Variants in HOOK3 observed in about 807,000 individuals in gnomAD.
The protein encoded by HOOK3 is protein Hook homolog 3.
A neutral mutation model predicts 116.3 loss-of-function variants in HOOK3; 24 were observed. The ratio of observed to expected loss-of-function variants is 0.21; its 90% confidence interval spans 0.15 to 0.29. HOOK3 has a LOEUF of 0.29. HOOK3 is among the 10% of genes least tolerant of loss of function. HOOK3 has a pLI of 1.00. For synonymous variants in HOOK3, 275 were observed against 283.0 expected, an observed-to-expected ratio of 0.97 and a Z score of 0.28; for missense variants, 632 against 830.2, an observed-to-expected ratio of 0.76 and a Z score of 2.93.
chr8:42,944,946 C>T (rs1211386296), intron 5 of HOOK3, among the ~76,000 whole-genome samples: 1 of 151,914 alleles, frequency 6.6e-6, no homozygotes, highest in Non-Finnish European at 1.5e-5. Context: ...TCTAAAATAC[C>T]CCATTTTAAG....
chr8:42,897,077 G>C lies in HOOK3; in HGVS notation c.-55G>C, dbSNP rs1016160680. On this transcript the variant is annotated 5_prime_UTR_variant, in exon 1 of 22. Coordinates refer to ENST00000307602, the MANE Select transcript of HOOK3 (RefSeq NM_032410.4). ...GCGCGGGCCCCCGGATCCCCCGACA[G>C]AGCGGCGGCGGTGTCTGGCCAGGCG... The C allele has an allele frequency of 2.3e-5, 28 of 1,219,902 alleles. No homozygotes were observed. The highest frequency in any genetic ancestry group is 2.8e-5 in the Non-Finnish European group (27 of 970,834). The allele number at this position is 1,219,902 out of a possible 1,614,324, so 75.6% of individuals were successfully genotyped here.
At chr8:42,950,917 C>T (rs1808326795) in intron 6 of HOOK3, among the ~76,000 whole-genome samples, 1 of 152,144 alleles carries the variant, frequency 6.6e-6, no homozygotes, top group Non-Finnish European at 1.5e-5. Flanking sequence ...GATCTCCTGA[C>T]CTCATGATCT....
chr8:42,956,850 G>C lies in HOOK3; in HGVS notation c.469-244G>C, dbSNP rs886523025. Among the ~76,000 whole-genome samples the C allele has an allele frequency of 1.6e-4, 24 of 152,306 alleles. No individual in the cohort carries two copies. The South Asian group carries it at 2.7e-3, about 17-fold the overall frequency. ...GCCCACCTCGGCCTCCCAAAGTGCA[G>C]GGATTACAGGCGTGAGCCACCGCGC... On this transcript the variant is annotated intron_variant, in intron 6 of 21. Coordinates refer to ENST00000307602, the MANE Select transcript of HOOK3 (RefSeq NM_032410.4).
chr8:42,897,654 G>A (rs1455443660), intron 1 of HOOK3, among the ~76,000 whole-genome samples: 1 of 152,362 alleles, frequency 6.6e-6, no homozygotes, highest in African/African-American at 2.4e-5. Flanking sequence ...CTGGCGGTGG[G>A]AGTGCGCGAG....
intron 1 of HOOK3, 24 bp from the exon 2 acceptor site, chr8:42,906,145 TCCCC>T: frequency 1.9e-6 from 1 of 536,642 alleles, no homozygotes; most frequent in Non-Finnish European, 3.2e-6. Context: ...ACAGAATCTC[TCCCC>T]CCCCCCTCTT....
chr8:42,938,460 A>G (rs925092845), intron 4 of HOOK3, among the ~76,000 whole-genome samples: 1 of 152,036 alleles, frequency 6.6e-6, no homozygotes, highest in Admixed American at 6.6e-5. Context: ...TATTTTGCCT[A>G]TTAGTTGATG....
At chr8:42,930,008 A>C in intron 3 of HOOK3, 114 bp from the exon 4 acceptor site, 1 of 861,842 alleles carries the variant, frequency 1.2e-6, no homozygotes. Context: ...TTTATTTGTT[A>C]ATATTTACTT....
intron 21 of HOOK3, among the ~76,000 whole-genome samples, chr8:43,014,301 A>T (rs1029440162): frequency 2.0e-5 from 3 of 151,606 alleles, no homozygotes; most frequent in Admixed American, 6.6e-5. Flanking sequence ...AAAAAAAAAA[A>T]AAAAAAGTTG....
At chr8:42,965,277 CA>C (rs1808611950) in intron 9 of HOOK3, among the ~76,000 whole-genome samples, 1 of 152,042 alleles carries the variant, frequency 6.6e-6, no homozygotes, top group South Asian at 2.1e-4. Context: ...AAGTTACAGG[CA>C]GGGATTTTTA....
Position 43,021,738 on chromosome 8 carries a change from G to A in HOOK3, c.*3240G>A, listed in dbSNP as rs1215639896. 2.5e-5 allele frequency: 4 copies of A among 156,960 alleles called. No homozygotes were observed. The highest frequency in any genetic ancestry group is 2.1e-4 in the South Asian group (1 of 4,764). 9.7% of individuals were successfully genotyped at this position (156,960 alleles called of 1,614,324 possible). On this transcript the variant is annotated 3_prime_UTR_variant, in exon 22 of 22. Coordinates refer to ENST00000307602, the MANE Select transcript of HOOK3 (RefSeq NM_032410.4). The stretch of plus-strand genomic sequence containing the variant: ...GGCTGGAGTGCAGTGGCGCGATCTC[G>A]GCTCACTGCAAGCTCCGCCTCCCGG...
Position 42,982,609 on chromosome 8 carries a change from A to G in HOOK3, c.1322-18A>G, listed in dbSNP as rs747099644. The G allele has an allele frequency of 2.6e-6, 4 of 1,561,542 alleles. No individual in the cohort carries two copies. The highest frequency in any genetic ancestry group is 3.5e-6 in the Non-Finnish European group (4 of 1,132,244). ...TGTGTTTTCCATTAGCCTTATATTT[A>G]TGTTTGTATATTTACAGGGTTAATG... On this transcript the variant is annotated intron_variant, in intron 13 of 21. Coordinates refer to ENST00000307602, the MANE Select transcript of HOOK3 (RefSeq NM_032410.4).
chr8:42,953,496 G>A (rs1466355170), intron 6 of HOOK3, among the ~76,000 whole-genome samples: 8 of 151,666 alleles, frequency 5.3e-5, no homozygotes, highest in African/African-American at 1.5e-4. Flanking sequence ...TTTGGGAGCC[G>A]GAGGTTGTAG....
rs1399117907 is a variant in HOOK3, at chr8:43,026,288, ATAT to A, written c.*7795_*7797del. On this transcript the variant is annotated 3_prime_UTR_variant, in exon 22 of 22. Coordinates refer to ENST00000307602, the MANE Select transcript of HOOK3 (RefSeq NM_032410.4). ...TATATAGTCTTTATATAGTATCTTA[ATAT>A]TATTTACTGTTACTTCTAGTCATTT... 5.2e-6 allele frequency: 1 copy of A among 193,540 alleles called. No individual in the cohort carries two copies. Among genetic ancestry groups the A allele is most frequent in the Non-Finnish European group, 1.1e-5 (1 of 92,940 alleles). 12.0% of individuals were successfully genotyped at this position (193,540 alleles called of 1,614,324 possible).
intron 1 of HOOK3, among the ~76,000 whole-genome samples, chr8:42,903,764 GC>G (rs1451179974): frequency 2.0e-5 from 3 of 146,748 alleles, no homozygotes; most frequent in Non-Finnish European, 4.5e-5. Flanking sequence ...GGACATCCTG[GC>G]CAACACGGTG....
intron 17 of HOOK3, 60 bp downstream of exon 17, chr8:43,002,201 A>G: frequency 1.5e-6 from 2 of 1,305,518 alleles, no homozygotes; most frequent in Non-Finnish European, 2.2e-6. Context: ...GCTTTGTGTT[A>G]GGTAGTTACG....
intron 4 of HOOK3, among the ~76,000 whole-genome samples, chr8:42,941,602 C>A (rs931920247): frequency 3.3e-5 from 5 of 150,828 alleles, no homozygotes; most frequent in Admixed American, 6.6e-5. Context: ...AATTGATTTT[C>A]CTATTCAAGG....
Position 42,959,322 on chromosome 8 carries a change from A to G in HOOK3, c.615+8A>G. ...CATGAACTGGATATGCAGGTAAGAG[A>G]TTTGTTCTGTGCACCACCTCTTTGA... On this transcript the variant is annotated splice_region_variant and intron_variant, in intron 8 of 21. Transcript: ENST00000307602. The G allele has an allele frequency of 6.3e-7, 1 of 1,585,330 alleles. No homozygotes were observed. Among genetic ancestry groups the G allele is most frequent in the Non-Finnish European group, 8.7e-7 (1 of 1,154,096 alleles).
At chr8:42,939,890 C>G (rs1808070245) in intron 4 of HOOK3, among the ~76,000 whole-genome samples, 1 of 151,264 alleles carries the variant, frequency 6.6e-6, no homozygotes, top group African/African-American at 2.4e-5. Context: ...CGATGGGCGG[C>G]CGGGCAGAGA....
At chr8:42,945,556 C>T (rs1808210818) in intron 5 of HOOK3, among the ~76,000 whole-genome samples, 1 of 152,184 alleles carries the variant, frequency 6.6e-6, no homozygotes, top group South Asian at 2.1e-4. Flanking sequence ...AGTGATCCAC[C>T]CGCCTTGGCT....
Sources: allele counts gnomAD v4.1 joint callset (sites outside exome capture counted in the v4.1 genomes callset), GRCh38; gene constraint gnomAD v4.1.1; transcripts MANE v1.5; gene names NCBI Gene and HGNC (gene_info 2026-07-23, HGNC 2026-07-21).